TTLL7: variants seen among roughly 807,000 people sequenced by gnomAD.
The protein encoded by TTLL7 is tubulin tyrosine ligase like 7, also known as tubulin polyglutamylase TTLL7.
In TTLL7, 53 loss-of-function variants were observed where a neutral mutation model predicts 120.2. That is an observed-to-expected ratio of 0.44 (90% confidence interval 0.35 to 0.55). The LOEUF is 0.55. Ranked by LOEUF, TTLL7 falls within the 20% of genes least tolerant of loss-of-function variation. The pLI is 0.00. For synonymous variants in TTLL7, 353 were observed against 351.7 expected, an observed-to-expected ratio of 1.00 and a Z score of -0.04; for missense variants, 803 against 1,054.7, an observed-to-expected ratio of 0.76 and a Z score of 3.31.
At chr1:83,893,972 CACA>C (rs1656005428) in intron 18 of TTLL7, among the ~76,000 whole-genome samples, 1 of 152,104 alleles carries the variant, frequency 6.6e-6, no homozygotes, top group Non-Finnish European at 1.5e-5. Flanking sequence ...CTTAAAACTT[CACA>C]ACAATATTGA....
chr1:83,920,870 A>G (rs1418783946), intron 12 of TTLL7, among the ~76,000 whole-genome samples: 2 of 151,964 alleles, frequency 1.3e-5, no homozygotes, highest in East Asian at 3.9e-4. Flanking sequence ...GGTTAAAAAG[A>G]CCTCCTACAA....
intron 1 of TTLL7, chr1:83,979,511 TTAAC>T (rs1454340211): frequency 6.6e-6 from 1 of 152,216 alleles, no homozygotes; most frequent in African/African-American, 2.4e-5. Flanking sequence ...TGGTTGTTGT[TTAAC>T]TACACCTACA....
rs753468268 is a variant in TTLL7, at chr1:83,866,675, T to C, written c.*3287A>G. 1 of 151,964 alleles carries C rather than the reference T, an allele frequency of 6.6e-6. No homozygotes were observed. Among genetic ancestry groups the C allele is most frequent in the Non-Finnish European group, 1.5e-5 (1 of 67,822 alleles). 9.4% of individuals were successfully genotyped at this position (151,964 alleles called of 1,614,324 possible). A position where few individuals can be genotyped will look rare whatever the true frequency, so the allele number is the denominator to read the frequency against. ...AACTATGTTCTAGGCAGAGTTACCA[T>C]TGCCATTTCCATATTTGATCCTGTT... is the stretch of plus-strand genomic sequence containing the variant. On this transcript the variant is annotated 3_prime_UTR_variant, in exon 21 of 21. Transcript: ENST00000260505.
At chr1:83,937,680 C>G (rs1299080012) in intron 8 of TTLL7, among the ~76,000 whole-genome samples, 172 bp downstream of exon 8, 1 of 152,148 alleles carries the variant, frequency 6.6e-6, no homozygotes, top group Non-Finnish European at 1.5e-5. Flanking sequence ...CAGAATGCAT[C>G]GCTGTTGTTA....
intron 1 of TTLL7, among the ~76,000 whole-genome samples, chr1:83,975,533 T>C (rs1409248484): frequency 6.6e-6 from 1 of 152,110 alleles, no homozygotes; most frequent in Non-Finnish European, 1.5e-5. Flanking sequence ...TCCTCACAGA[T>C]TGCTTTATTA....
At chr1:83,960,330 A>G (rs1448493559) in intron 1 of TTLL7, among the ~76,000 whole-genome samples, 1 of 152,142 alleles carries the variant, frequency 6.6e-6, no homozygotes, top group Non-Finnish European at 1.5e-5. Context: ...AGTGGAGACA[A>G]TCTTAAGAGG....
chr1:83,921,106 G>T lies in TTLL7; in HGVS notation c.1345C>A (p.Arg449=), dbSNP rs777752443. 30 of 1,612,506 alleles carry T rather than the reference G, an allele frequency of 1.9e-5. No individual in the cohort carries two copies. In the Middle Eastern group the frequency reaches 1.3e-3, roughly 71 times the overall value. Residue 449 remains arginine, a synonymous_variant, in exon 12 of 21, where the codon CGA becomes AGA. Coordinates refer to ENST00000260505, the MANE Select transcript of TTLL7 (RefSeq NM_024686.6). The part of the protein sequence containing the change: ...KQISREEHEN[R]HMGNYRRIYP... ...AGTTACCTATAATTCCCCATATGTC[G>T]ATTTTCATGTTCTTCTCGTGAGATC...
chr1:83,975,756 G>A (rs1651409162), intron 1 of TTLL7, among the ~76,000 whole-genome samples: 1 of 152,042 alleles, frequency 6.6e-6, no homozygotes, highest in African/African-American at 2.4e-5. Flanking sequence ...ATATTTCAAA[G>A]GGGCCTCCCC....
At chr1:83,925,367 G>T (rs927425003) in intron 10 of TTLL7, among the ~76,000 whole-genome samples, 7 of 152,164 alleles carry the variant, frequency 4.6e-5, no homozygotes, top group African/African-American at 1.7e-4. Flanking sequence ...CAACCCAGAA[G>T]CCTAGGAATC....
chr1:83,992,042 A>G (rs1267687358), intron 1 of TTLL7, among the ~76,000 whole-genome samples: 1 of 152,178 alleles, frequency 6.6e-6, no homozygotes, highest in Admixed American at 6.5e-5. Flanking sequence ...CTTGATGCAT[A>G]TTATATACTC....
chr1:83,987,082 A>C (rs1474832484), intron 1 of TTLL7, among the ~76,000 whole-genome samples: 1 of 152,224 alleles, frequency 6.6e-6, no homozygotes, highest in African/African-American at 2.4e-5. Flanking sequence ...TTGACAATGA[A>C]GAAATGGAAA....
At chr1:83,881,140 A>G (rs370814617) in intron 20 of TTLL7, among the ~76,000 whole-genome samples, 2 of 151,460 alleles carry the variant, frequency 1.3e-5, no homozygotes, top group South Asian at 2.1e-4. Flanking sequence ...TAAAAACCCT[A>G]GAAGAAAACC....
intron 6 of TTLL7, among the ~76,000 whole-genome samples, chr1:83,945,103 C>T (rs184451415): frequency 1.3e-5 from 2 of 152,112 alleles, no homozygotes; most frequent in African/African-American, 4.8e-5. Flanking sequence ...ACAAAAGCTA[C>T]AAGACACATA....
chr1:83,949,507 A>G, intron 4 of TTLL7: 1 of 200,234 alleles, frequency 5.0e-6, no homozygotes, highest in Non-Finnish European at 9.9e-6. Flanking sequence ...TTGTATTTTT[A>G]GTAGAGATGG....
At chr1:83,914,200 G>C (rs985350891) in intron 14 of TTLL7, among the ~76,000 whole-genome samples, 1 of 151,674 alleles carries the variant, frequency 6.6e-6, no homozygotes, top group African/African-American at 2.4e-5. Flanking sequence ...CACTATCCAA[G>C]AACCTTCCAC....
intron 17 of TTLL7, among the ~76,000 whole-genome samples, chr1:83,905,075 A>T (rs1657066370): frequency 6.6e-6 from 1 of 151,954 alleles, no homozygotes; most frequent in Non-Finnish European, 1.5e-5. Context: ...GGATATAACT[A>T]ATATCTCTAA....
intron 19 of TTLL7, among the ~76,000 whole-genome samples, chr1:83,885,670 C>T (rs1654910716): frequency 6.6e-6 from 1 of 152,056 alleles, no homozygotes; most frequent in Admixed American, 6.6e-5. Flanking sequence ...CAACCTGCTT[C>T]ATCTGGCCCT....
chr1:83,908,276 G>A (rs1657376001), intron 15 of TTLL7, among the ~76,000 whole-genome samples: 1 of 151,962 alleles, frequency 6.6e-6, no homozygotes, highest in Non-Finnish European at 1.5e-5. Flanking sequence ...AGGGAGGGCT[G>A]GAAAGGCATA....
chr1:83,948,169 A>C (rs1202172248), intron 5 of TTLL7, among the ~76,000 whole-genome samples: 1 of 136,466 alleles, frequency 7.3e-6, no homozygotes. Context: ...AATCACCAAT[A>C]TGAAGACACA....
Sources: gnomAD v4.1 joint callset for allele counts (sites outside exome capture counted in the v4.1 genomes callset) on GRCh38, gnomAD v4.1.1 for gene constraint, MANE v1.5 for transcripts, NCBI Gene and HGNC (gene_info 2026-07-23, HGNC 2026-07-21) for gene names.